The following KCNIP1 variants were observed in gnomAD, a reference collection of about 807,000 sequenced individuals.
The protein encoded by KCNIP1 is potassium voltage-gated channel interacting protein 1, also known as A-type potassium channel modulatory protein KCNIP1.
KCNIP1 carries 18 observed loss-of-function variants against 33.0 expected under a neutral mutation model. That is an observed-to-expected ratio of 0.55 (90% CI 0.38 to 0.81). KCNIP1 has a LOEUF of 0.81. Ranked by LOEUF, KCNIP1 falls within the 30% of genes least tolerant of loss-of-function variation. The pLI is 0.00. For synonymous variants in KCNIP1, 93 were observed against 98.3 expected (o/e 0.95, Z 0.32); for missense variants, 238 against 271.6 (o/e 0.88, Z 0.87).
intron 1 of KCNIP1, among the ~76,000 whole-genome samples, chr5:170,506,961 C>T (rs959278833): frequency 6.6e-6 from 1 of 152,200 alleles, no homozygotes; most frequent in Non-Finnish European, 1.5e-5. Context: ...TGGAGGAAGC[C>T]CTGGCTGAGG....
At chr5:170,379,764 C>G (rs1414060541) in intron 1 of KCNIP1, among the ~76,000 whole-genome samples, 1 of 151,982 alleles carries the variant, frequency 6.6e-6, no homozygotes, top group Non-Finnish European at 1.5e-5. Context: ...GCCTAGGCAA[C>G]ATAGCAAGAC....
chr5:170,361,994 G>T (rs1221572264), intron 1 of KCNIP1, among the ~76,000 whole-genome samples: 1 of 152,174 alleles, frequency 6.6e-6, no homozygotes, highest in Non-Finnish European at 1.5e-5. Flanking sequence ...TCTCTAAAAT[G>T]AAGGAGCTGC....
chr5:170,666,761 T>C (rs892999063), intron 1 of KCNIP1, among the ~76,000 whole-genome samples: 5 of 152,204 alleles, frequency 3.3e-5, no homozygotes, highest in African/African-American at 1.2e-4. Flanking sequence ...GCATCTGTGG[T>C]TGGAGCAGCT....
chr5:170,592,931 A>C (rs1758315332), intron 1 of KCNIP1, among the ~76,000 whole-genome samples: 1 of 152,076 alleles, frequency 6.6e-6, no homozygotes, highest in African/African-American at 2.4e-5. Flanking sequence ...TTCTGCTTGC[A>C]TTCCTCCTAG....
At chr5:170,694,521 C>A (rs533797442) in intron 1 of KCNIP1, among the ~76,000 whole-genome samples, 1 of 152,184 alleles carries the variant, frequency 6.6e-6, no homozygotes, top group Non-Finnish European at 1.5e-5. Context: ...AGACCTTCAT[C>A]CCTGATCAGA....
intron 1 of KCNIP1, among the ~76,000 whole-genome samples, chr5:170,510,832 C>G (rs1270113056): frequency 6.6e-6 from 1 of 152,152 alleles, no homozygotes; most frequent in African/African-American, 2.4e-5. Context: ...ATGAGCACCG[C>G]GTTAAAATAA....
At chr5:170,687,060 A>T (rs1762560946) in intron 1 of KCNIP1, among the ~76,000 whole-genome samples, 1 of 152,064 alleles carries the variant, frequency 6.6e-6, no homozygotes, top group Non-Finnish European at 1.5e-5. Flanking sequence ...TGTCTCCAGC[A>T]AAATTAACCT....
Position 170,487,432 on chromosome 5 carries a change from C to T in KCNIP1, c.88+133468C>T, listed in dbSNP as rs183592096. Among the ~76,000 whole-genome samples, 57 of 152,134 alleles carry T rather than the reference C, an allele frequency of 3.7e-4. No homozygotes were observed. The East Asian group carries it at 8.1e-3, about 22-fold the overall frequency. On this transcript the variant is annotated intron_variant, in intron 1 of 7. Coordinates refer to the KCNIP1 transcript ENST00000377360. ...AAATTAACCGACACAATTCACATACCGTAGCATAAAATGAACCCTTCTAAA... is the reference window on the plus strand; with the variant it reads ...AAATTAACCGACACAATTCACATACTGTAGCATAAAATGAACCCTTCTAAA...
chr5:170,650,402 A>T (rs1327635774), intron 1 of KCNIP1, among the ~76,000 whole-genome samples: 3 of 150,660 alleles, frequency 2.0e-5, no homozygotes, highest in African/African-American at 7.3e-5. Context: ...TGCATTTTCT[A>T]CAGTTTTATC....
At chr5:170,705,170 C>T (rs1763217736) in intron 1 of KCNIP1, among the ~76,000 whole-genome samples, 1 of 152,072 alleles carries the variant, frequency 6.6e-6, no homozygotes, top group South Asian at 2.1e-4. Flanking sequence ...TAACCTTTCC[C>T]CAAAAGAAGG....
intron 1 of KCNIP1, among the ~76,000 whole-genome samples, chr5:170,683,358 C>A (rs1762424845): frequency 6.6e-6 from 1 of 152,080 alleles, no homozygotes; most frequent in African/African-American, 2.4e-5. Context: ...AATAAAATTT[C>A]CAAAAATGCA....
At chr5:170,483,196 G>A (rs1321842211) in intron 1 of KCNIP1, 7 of 398,678 alleles carry the variant, frequency 1.8e-5, no homozygotes, top group Non-Finnish European at 3.4e-5. Flanking sequence ...AAAATCATAG[G>A]TAACTATGAG....
At chr5:170,593,130 T>C (rs1246537481) in intron 1 of KCNIP1, among the ~76,000 whole-genome samples, 1 of 152,190 alleles carries the variant, frequency 6.6e-6, no homozygotes, top group Non-Finnish European at 1.5e-5. Context: ...CTCTATGCTT[T>C]TACATAGTTG....
At chr5:170,560,307 G>A (rs1402505190) in intron 1 of KCNIP1, among the ~76,000 whole-genome samples, 1 of 152,182 alleles carries the variant, frequency 6.6e-6, no homozygotes, top group Non-Finnish European at 1.5e-5. Flanking sequence ...TGTTACCTGG[G>A]CTGGCTCTTG....
At chr5:170,718,106 T>A (rs1763695845) in intron 1 of KCNIP1, among the ~76,000 whole-genome samples, 1 of 152,192 alleles carries the variant, frequency 6.6e-6, no homozygotes, top group South Asian at 2.1e-4. Flanking sequence ...AAGGGAGACA[T>A]ACTTAAACTA....
chr5:170,652,308 A>T (rs1357252245), intron 1 of KCNIP1, among the ~76,000 whole-genome samples: 3 of 151,040 alleles, frequency 2.0e-5, no homozygotes, highest in Non-Finnish European at 4.4e-5. Flanking sequence ...ACATGGAAAA[A>T]CCCCGTCTCT....
intron 1 of KCNIP1, among the ~76,000 whole-genome samples, chr5:170,624,695 A>G (rs1409962655): frequency 2.5e-5 from 3 of 121,506 alleles, no homozygotes; most frequent in Non-Finnish European, 3.4e-5. Context: ...GGAGGAGAGG[A>G]GAGGGGAGGG....
chr5:170,569,873 A>G (rs1378030269), intron 1 of KCNIP1, among the ~76,000 whole-genome samples: 1 of 152,220 alleles, frequency 6.6e-6, no homozygotes, highest in African/African-American at 2.4e-5. Context: ...TAGCAGAGTC[A>G]TCAAAATTGG....
At chr5:170,430,409 C>G (rs1755714830) in intron 1 of KCNIP1, among the ~76,000 whole-genome samples, 1 of 152,186 alleles carries the variant, frequency 6.6e-6, no homozygotes, top group Non-Finnish European at 1.5e-5. Flanking sequence ...TCAAATTGTT[C>G]TACTTGCCCA....
Sources: allele counts gnomAD v4.1 joint callset (sites outside exome capture counted in the v4.1 genomes callset), GRCh38; gene constraint gnomAD v4.1.1; transcripts MANE v1.5; gene names NCBI Gene and HGNC (gene_info 2026-07-23, HGNC 2026-07-21).